Variants in JCAD observed in about 807,000 individuals in gnomAD.
JCAD encodes the protein junctional cadherin 5 associated.
A neutral mutation model predicts 98.0 loss-of-function variants in JCAD; 40 were observed. That is an observed-to-expected ratio of 0.41 (90% confidence interval 0.32 to 0.53). JCAD has a LOEUF of 0.53. JCAD is among the 20% of genes least tolerant of loss of function. The probability of loss-of-function intolerance (pLI) is 0.31; values close to 1 mark genes in which losing one functional copy is unlikely to be tolerated. For synonymous variants in JCAD, 691 were observed against 682.3 expected (o/e 1.01, Z -0.20); for missense variants, 1,705 against 1,738.1 (o/e 0.98, Z 0.34).
intron 1 of JCAD, among the ~76,000 whole-genome samples, chr10:30,081,819 C>G (rs1241521228): frequency 6.6e-6 from 1 of 152,206 alleles, no homozygotes; most frequent in African/African-American, 2.4e-5. Flanking sequence ...TCCCTGAGAG[C>G]TGCCCCTAAA....
intron 1 of JCAD, among the ~76,000 whole-genome samples, chr10:30,052,465 G>A (rs1837490693): frequency 6.6e-6 from 1 of 152,156 alleles, no homozygotes; most frequent in South Asian, 2.1e-4. Context: ...TTGTGGCCAC[G>A]ACACAGAACA....
chr10:30,074,269 G>C (rs1156655485), intron 1 of JCAD, among the ~76,000 whole-genome samples: 1 of 152,076 alleles, frequency 6.6e-6, no homozygotes, highest in Non-Finnish European at 1.5e-5. Flanking sequence ...TTTAATTGGA[G>C]GATGCCAAGC....
chr10:30,079,519 T>A (rs116370393), intron 1 of JCAD, among the ~76,000 whole-genome samples: 88 of 152,312 alleles, frequency 5.8e-4, no homozygotes, highest in African/African-American at 2.1e-3. Context: ...CTGATAGGTC[T>A]ACTCAATCAC....
chr10:30,113,548 C>CA (rs71023545), intron 1 of JCAD, among the ~76,000 whole-genome samples: 2,410 of 15,934 alleles, frequency 0.15, 899 homozygotes, highest in African/African-American at 0.3. Flanking sequence ...GAGACACTGT[C>CA]AAAAAAAAAA....
chr10:30,063,902 G>A (rs1263327065), upstream of JCAD, among the ~76,000 whole-genome samples: 1 of 151,982 alleles, frequency 6.6e-6, no homozygotes, highest in Non-Finnish European at 1.5e-5. Context: ...CCGCGTCAGG[G>A]TTCATGCAAT....
Position 30,059,122 on chromosome 10 carries a change from C to T in JCAD, c.-60+360G>A, listed in dbSNP as rs2132657659. ...CGAGAGGGGAGTGAGTGACCCCGGC[C>T]CCCCAGGCCCTCCGCGCGCCGAGGG... On this transcript the variant is annotated intron_variant, in intron 1 of 3. Transcript: ENST00000375377. This position sits in a 1 kb window ranked among gnomAD's most constrained non-coding sequence, Gnocchi z 5.0. Among the ~76,000 whole-genome samples, 1 of 151,968 alleles carries T rather than the reference C, an allele frequency of 6.6e-6. No homozygotes were observed. Among genetic ancestry groups the T allele is most frequent in the African/African-American group, 2.4e-5 (1 of 41,506 alleles).
intron 1 of JCAD, among the ~76,000 whole-genome samples, chr10:30,057,700 T>C (rs1423087723): frequency 1.3e-5 from 2 of 152,242 alleles, no homozygotes; most frequent in Admixed American, 1.3e-4. Context: ...TAAAGGCCTC[T>C]GTTCAACAAA....
chr10:30,038,916 A>G (rs1837180730), intron 2 of JCAD, among the ~76,000 whole-genome samples: 2 of 152,172 alleles, frequency 1.3e-5, no homozygotes, highest in Non-Finnish European at 1.5e-5. Context: ...TGAAGGTGCT[A>G]GAACCTCTCA....
At chr10:30,032,130 G>C (rs936557361) in intron 2 of JCAD, among the ~76,000 whole-genome samples, 20 of 152,198 alleles carry the variant, frequency 1.3e-4, no homozygotes, top group African/African-American at 4.6e-4. Context: ...CTTACATTGA[G>C]ATTGTCTAGA....
At chr10:30,045,883 T>C (rs190161426) in intron 2 of JCAD, among the ~76,000 whole-genome samples, 238 of 152,336 alleles carry the variant, frequency 1.6e-3, no homozygotes, top group African/African-American at 5.6e-3. Context: ...ACGAGGGCTC[T>C]CACCTTTGCT....
At chr10:30,078,543 G>A (rs910656711) in intron 1 of JCAD, among the ~76,000 whole-genome samples, 3 of 152,154 alleles carry the variant, frequency 2.0e-5, no homozygotes, top group African/African-American at 7.2e-5. Flanking sequence ...GACAAAAGCG[G>A]CCATTGTGGG....
At chr10:30,060,476 C>T (rs931470766), upstream of JCAD, among the ~76,000 whole-genome samples, 1 of 152,102 alleles carries the variant, frequency 6.6e-6, no homozygotes, top group Non-Finnish European at 1.5e-5. Flanking sequence ...TCAGGGCGAA[C>T]GTTTTCATAA....
chr10:30,026,746 C>T lies in JCAD; in HGVS notation c.3402G>A (p.Pro1134=), dbSNP rs376613084. 13 of 1,614,160 alleles carry T rather than the reference C, an allele frequency of 8.1e-6. No homozygotes were observed. Among genetic ancestry groups the T allele is most frequent in the African/African-American group, 1.3e-5 (1 of 75,054 alleles). Reference sequence around the variant, plus strand: ...CAGTGGACACCCTGGGGACATCTGCCGGTGCTGGGCGAGATAGCAACTCTT... The same window carrying T: ...CAGTGGACACCCTGGGGACATCTGCTGGTGCTGGGCGAGATAGCAACTCTT... ...PQEELLSRPA[P]ADVPRVSTDA... Residue 1134 remains proline, a synonymous_variant, in exon 3 of 4, where the codon CCG becomes CCA. Coordinates refer to ENST00000375377, the MANE Select transcript of JCAD (RefSeq NM_020848.4).
chr10:30,108,666 C>A (rs1239686588), intron 1 of JCAD, among the ~76,000 whole-genome samples: 1 of 152,154 alleles, frequency 6.6e-6, no homozygotes, highest in East Asian at 1.9e-4. Flanking sequence ...CAGTGATCAT[C>A]CCCTCACTAG....
rs761937477 is a variant in JCAD at position 30,029,790 on chromosome 10, GTCC to G, written c.355_357del (p.Gly119del). On this transcript the variant is annotated inframe_deletion, in exon 3 of 4. Coordinates refer to ENST00000375377, the MANE Select transcript of JCAD (RefSeq NM_020848.4). ...GGCTTCTGGCTCCTGGCTTCTTGCC[GTCC>G]TCTTCTCCGGTAGGCTTGGTCGTTA... 4 of 1,614,168 alleles carry G rather than the reference GTCC, an allele frequency of 2.5e-6. No homozygotes were observed. Among genetic ancestry groups the G allele is most frequent in the Non-Finnish European group, 3.4e-6 (4 of 1,180,026 alleles).
chr10:30,076,442 A>C lies in JCAD; in HGVS notation n.129-6621T>G, dbSNP rs573238348. On this transcript the variant is annotated intron_variant and non_coding_transcript_variant, in intron 1 of 2. Transcript: ENST00000465712. Reference sequence around the variant, plus strand: ...ATGTACAGGTGTTTGCTGAGTGTAGAAACCACAGGTGAAACTGATTTTCAT... The same window carrying C: ...ATGTACAGGTGTTTGCTGAGTGTAGCAACCACAGGTGAAACTGATTTTCAT... Among the ~76,000 whole-genome samples, 21 of 152,222 alleles carry C rather than the reference A, an allele frequency of 1.4e-4. 1 individual carries two copies. Among genetic ancestry groups the C allele is most frequent in the Non-Finnish European group, 2.4e-4 (16 of 68,040 alleles).
chr10:30,096,421 T>C (rs1214548825), intron 1 of JCAD, among the ~76,000 whole-genome samples: 1 of 152,192 alleles, frequency 6.6e-6, no homozygotes, highest in Non-Finnish European at 1.5e-5. Context: ...ATTGTTATTA[T>C]TATGGAAATC....
chr10:30,067,036 A>G (rs1186853420), intron 2 of JCAD, among the ~76,000 whole-genome samples: 2 of 151,950 alleles, frequency 1.3e-5, no homozygotes, highest in Non-Finnish European at 2.9e-5. Context: ...CAGGTATAGT[A>G]GTACATGCCT....
At chr10:30,069,014 G>A (rs1315734987) in intron 2 of JCAD, among the ~76,000 whole-genome samples, 2 of 152,216 alleles carry the variant, frequency 1.3e-5, no homozygotes, top group Non-Finnish European at 2.9e-5. Flanking sequence ...GGGCAACTGT[G>A]AGTAACTTTA....
Sources: gnomAD v4.1 joint callset for allele counts (sites outside exome capture counted in the v4.1 genomes callset) on GRCh38, gnomAD v4.1.1 for gene constraint, Gnocchi (gnomAD v3.1) non-coding constraint, MANE v1.5 for transcripts, NCBI Gene and HGNC (gene_info 2026-07-23, HGNC 2026-07-21) for gene names.